Variants in KCNQ1OT1 observed in about 807,000 individuals in gnomAD.
KCNQ1OT1 encodes the protein KCNQ1 antisense RNA 2 (non-protein coding).
At chr11:2,640,606 A>C in exon 1 of KCNQ1OT1, 1 of 396,332 alleles carries the variant, frequency 2.5e-6, no homozygotes. Context: ...TATGGGGTAC[A>C]TGTGCTATTG....
Position 2,679,549 on chromosome 11 carries a change from T to A in KCNQ1OT1, n.20446A>T. 5.0e-6 allele frequency: 2 copies of A among 398,652 alleles called. No individual in the cohort carries two copies. Among genetic ancestry groups the A allele is most frequent in the Non-Finnish European group, 8.8e-6 (2 of 226,066 alleles). The allele number at this position is 398,652 out of a possible 1,614,324, so 24.7% of individuals were successfully genotyped here. A position where few individuals can be genotyped will look rare whatever the true frequency, so the allele number is the denominator to read the frequency against. ...ACCTCATGATGGCCATTCCATCCAT[T>A]GTAATCATGTGTACCATGCAATTCA... On this transcript the variant is annotated non_coding_transcript_exon_variant, in exon 1 of 1. Transcript: ENST00000597346. The surrounding 1 kb of genome is among the most constrained non-coding windows in gnomAD (Gnocchi z 4.8).
At chr11:2,675,060 G>C in exon 1 of KCNQ1OT1, 1 of 398,690 alleles carries the variant, frequency 2.5e-6, no homozygotes, top group Non-Finnish European at 4.4e-6. Flanking sequence ...GCCAAGGGCA[G>C]AGCCCCTGGA....
exon 1 of KCNQ1OT1, chr11:2,619,679 T>G (rs1479826896): frequency 2.5e-6 from 1 of 398,262 alleles, no homozygotes; most frequent in African/African-American, 2.1e-5. Flanking sequence ...GCTGGCCTCA[T>G]AAAATGTGTT....
At chr11:2,689,500 G>A (rs748391440) in exon 1 of KCNQ1OT1, 3 of 398,564 alleles carry the variant, frequency 7.5e-6, no homozygotes, top group African/African-American at 4.1e-5. Context: ...AAGGTTTTGG[G>A]TCACCTTGTT....
At chr11:2,637,838 A>G (rs897635622) in exon 1 of KCNQ1OT1, 1 of 151,816 alleles carries the variant, frequency 6.6e-6, no homozygotes, top group African/African-American at 2.4e-5. Flanking sequence ...TAGATCTCTA[A>G]GGACTTGCTT....
exon 1 of KCNQ1OT1, chr11:2,629,556 C>T (rs1009417893): frequency 1.5e-5 from 6 of 398,418 alleles, no homozygotes; most frequent in Admixed American, 8.8e-5. Context: ...TGAGGATATC[C>T]AGTTTTCCTG....
In KCNQ1OT1 at chr11:2,668,492, G is replaced by C; in HGVS notation, n.31503C>G. The C allele has an allele frequency of 2.5e-6, 1 of 398,610 alleles. No homozygotes were observed. The allele number at this position is 398,610 out of a possible 1,614,324, so 24.7% of individuals were successfully genotyped here. A position where few individuals can be genotyped will look rare whatever the true frequency, so the allele number is the denominator to read the frequency against. Reference sequence around the variant, plus strand: ...TCGTTTCCTTTTCAGCCATGATGGTGAATGTCTAGCAGCATCAAATGGTGA... The same window carrying C: ...TCGTTTCCTTTTCAGCCATGATGGTCAATGTCTAGCAGCATCAAATGGTGA... On this transcript the variant is annotated non_coding_transcript_exon_variant, in exon 1 of 1. Transcript: ENST00000597346. This position sits in a 1 kb window ranked among gnomAD's most constrained non-coding sequence, Gnocchi z 4.3.
exon 1 of KCNQ1OT1, chr11:2,689,664 A>T (rs1850557222): frequency 5.0e-6 from 2 of 398,690 alleles, no homozygotes; most frequent in East Asian, 7.1e-5. Context: ...GCCTCCTGAG[A>T]GGGCCAGGGC....
At chr11:2,662,896 T>C in exon 1 of KCNQ1OT1, 1 of 398,720 alleles carries the variant, frequency 2.5e-6, no homozygotes, top group East Asian at 3.6e-5. Context: ...TTCTTTGGAC[T>C]CTCTGGGGGT....
chr11:2,610,487 G>T, exon 1 of KCNQ1OT1: 1 of 398,232 alleles, frequency 2.5e-6, no homozygotes, highest in Non-Finnish European at 4.4e-6. Context: ...ACCAACTGGT[G>T]GTATTTCCTT....
At chr11:2,638,875 T>C (rs1849523394) in exon 1 of KCNQ1OT1, 1 of 152,250 alleles carries the variant, frequency 6.6e-6, no homozygotes, top group African/African-American at 2.4e-5. Flanking sequence ...TTTGGTCTTT[T>C]CACATAGTCC....
Position 2,659,460 on chromosome 11 carries a change from G to A in KCNQ1OT1, n.40535C>T, listed in dbSNP as rs1849911818. ...AGTTAATTTCTTTTTATTGCTGGGTGGTATTCCATTGCATGAATATATACA... is the reference window on the plus strand; with the variant it reads ...AGTTAATTTCTTTTTATTGCTGGGTAGTATTCCATTGCATGAATATATACA... On this transcript the variant is annotated non_coding_transcript_exon_variant, in exon 1 of 1. Coordinates refer to ENST00000597346, the Ensembl canonical transcript of KCNQ1OT1. The surrounding 1 kb of genome is among the most constrained non-coding windows in gnomAD (Gnocchi z 4.3). 2.5e-6 allele frequency: 1 copy of A among 398,488 alleles called. No homozygotes were observed. The highest frequency in any genetic ancestry group is 2.1e-5 in the African/African-American group (1 of 48,718). The allele number at this position is 398,488 out of a possible 1,614,324, so 24.7% of individuals were successfully genotyped here. A position where few individuals can be genotyped will look rare whatever the true frequency, so the allele number is the denominator to read the frequency against.
exon 1 of KCNQ1OT1, chr11:2,681,280 A>C: frequency 2.5e-6 from 1 of 398,520 alleles, no homozygotes. Context: ...CTTTCTCCCT[A>C]TACCTTCCTG....
rs766068814 is a variant in KCNQ1OT1 at position 2,624,354 on chromosome 11, C to T, written n.75641G>A. 3 of 398,390 alleles carry T rather than the reference C, an allele frequency of 7.5e-6. No individual in the cohort carries two copies. Among genetic ancestry groups the T allele is most frequent in the South Asian group, 1.3e-4 (1 of 7,848 alleles). 24.7% of individuals were successfully genotyped at this position (398,390 alleles called of 1,614,324 possible). A position where few individuals can be genotyped will look rare whatever the true frequency, so the allele number is the denominator to read the frequency against. ...GTATATCTTTTACAAGTATTGTCTCCCTTCTGTGGCCTGTCCTTTCATCCT... is the reference window on the plus strand; with the variant it reads ...GTATATCTTTTACAAGTATTGTCTCTCTTCTGTGGCCTGTCCTTTCATCCT... On this transcript the variant is annotated non_coding_transcript_exon_variant, in exon 1 of 1. Transcript: ENST00000597346. This position sits in a 1 kb window ranked among gnomAD's most constrained non-coding sequence, Gnocchi z 4.9.
rs1849758382 is a variant in KCNQ1OT1, at chr11:2,651,664, C to T, written n.48331G>A. 2 of 398,676 alleles carry T rather than the reference C, an allele frequency of 5.0e-6. No homozygotes were observed. The highest frequency in any genetic ancestry group is 8.8e-6 in the Non-Finnish European group (2 of 226,080). 24.7% of individuals were successfully genotyped at this position (398,676 alleles called of 1,614,324 possible). On this transcript the variant is annotated non_coding_transcript_exon_variant, in exon 1 of 1. Transcript: ENST00000597346. The surrounding 1 kb of genome is among the most constrained non-coding windows in gnomAD (Gnocchi z 6.1). ...CTCTGTCTCTCCCACAGCTCACTGA[C>T]ATTAGCCACGTGGCCCTCTGTTTCC...
chr11:2,623,165 G>A lies in KCNQ1OT1; in HGVS notation n.76830C>T, dbSNP rs1439531434. ...TCTCCTGTTCTGCCATGGTAAAGAT[G>A]TGCCTGCTTCTCCTTTGCCTTCCGC... On this transcript the variant is annotated non_coding_transcript_exon_variant, in exon 1 of 1. Coordinates refer to ENST00000597346, the Ensembl canonical transcript of KCNQ1OT1. The surrounding 1 kb of genome is among the most constrained non-coding windows in gnomAD (Gnocchi z 5.2). 2 of 398,594 alleles carry A rather than the reference G, an allele frequency of 5.0e-6. No homozygotes were observed. The highest frequency in any genetic ancestry group is 2.1e-5 in the African/African-American group (1 of 48,610). 24.7% of individuals were successfully genotyped at this position (398,594 alleles called of 1,614,324 possible). A position where few individuals can be genotyped will look rare whatever the true frequency, so the allele number is the denominator to read the frequency against.
chr11:2,695,232 T>C lies in KCNQ1OT1; in HGVS notation n.4763A>G, dbSNP rs1387424056. ...GTAAGGGTCTGCATAAAGTCACCGC[T>C]CTCTTCCTCTCCATGCTTTTCCACT... On this transcript the variant is annotated non_coding_transcript_exon_variant, in exon 1 of 1. Transcript: ENST00000597346. This position sits in a 1 kb window ranked among gnomAD's most constrained non-coding sequence, Gnocchi z 5.2. 3 of 398,478 alleles carry C rather than the reference T, an allele frequency of 7.5e-6. No homozygotes were observed. Among genetic ancestry groups the C allele is most frequent in the Non-Finnish European group, 1.3e-5 (3 of 226,102 alleles). The allele number at this position is 398,478 out of a possible 1,614,324, so 24.7% of individuals were successfully genotyped here. A position where few individuals can be genotyped will look rare whatever the true frequency, so the allele number is the denominator to read the frequency against.
chr11:2,641,642 A>G (rs571484635), exon 1 of KCNQ1OT1: 4 of 398,412 alleles, frequency 1.0e-5, no homozygotes, highest in South Asian at 1.3e-4. Flanking sequence ...ATCATTTAAT[A>G]TAGTCCCATT....
At chr11:2,616,636 CTTT>C (rs1849068865) in exon 1 of KCNQ1OT1, 2 of 398,020 alleles carry the variant, frequency 5.0e-6, no homozygotes, top group South Asian at 1.3e-4. Context: ...CTGATGTCTT[CTTT>C]GACACAATAA....
Sources: allele counts gnomAD v4.1 joint callset, GRCh38; gene constraint gnomAD v4.1.1; non-coding constraint Gnocchi (gnomAD v3.1); transcripts MANE v1.5; gene names NCBI Gene and HGNC (gene_info 2026-07-23, HGNC 2026-07-21).